Variants in CACNA2D2 observed in about 807,000 individuals in gnomAD.
CACNA2D2 encodes voltage-dependent calcium channel subunit alpha-2/delta-2.
In CACNA2D2, 48 loss-of-function variants were observed where a neutral mutation model predicts 166.4. The ratio of observed to expected loss-of-function variants is 0.29; its 90% CI spans 0.23 to 0.37. CACNA2D2 has a LOEUF of 0.37. Among genes scored for constraint, CACNA2D2 ranks in the 10% least tolerant of loss-of-function variants. The probability of loss-of-function intolerance (pLI) is 1.00; values close to 1 mark genes in which losing one functional copy is unlikely to be tolerated. For missense variants in CACNA2D2, 1,122 were observed against 1,433.0 expected, an observed-to-expected ratio of 0.78 and a Z score of 3.50; for synonymous variants, 561 against 573.7, an observed-to-expected ratio of 0.98 and a Z score of 0.32.
intron 2 of CACNA2D2, among the ~76,000 whole-genome samples, chr3:50,472,894 G>T (rs1026089131): frequency 6.6e-6 from 1 of 152,218 alleles, no homozygotes; most frequent in African/African-American, 2.4e-5. Context: ...ATATGGTGCT[G>T]AAGTGGGAGG....
intron 4 of CACNA2D2, among the ~76,000 whole-genome samples, chr3:50,393,331 G>A (rs556550856): frequency 1.4e-4 from 21 of 152,318 alleles, no homozygotes; most frequent in African/African-American, 4.8e-4. Context: ...GGAGGACACA[G>A]GAGCCCTGCC....
chr3:50,466,276 G>A (rs1346874444), intron 2 of CACNA2D2, among the ~76,000 whole-genome samples: 1 of 151,140 alleles, frequency 6.6e-6, no homozygotes, highest in Non-Finnish European at 1.5e-5. Context: ...GTGCGCATGT[G>A]TGTGTGTGTG....
At chr3:50,472,733 A>T (rs1025027396) in intron 2 of CACNA2D2, among the ~76,000 whole-genome samples, 6 of 152,076 alleles carry the variant, frequency 3.9e-5, no homozygotes, top group African/African-American at 1.4e-4. Flanking sequence ...GGCTTCAGAG[A>T]GGGGAGACCT....
intron 3 of CACNA2D2, among the ~76,000 whole-genome samples, chr3:50,397,561 G>C (rs1457093084): frequency 6.6e-6 from 1 of 152,122 alleles, no homozygotes; most frequent in Non-Finnish European, 1.5e-5. Context: ...CTTGGAGCAG[G>C]GTCTTCACCA....
Position 50,434,294 on chromosome 3 carries a change from C to T in CACNA2D2, c.405+19G>A. On this transcript the variant is annotated intron_variant, in intron 3 of 37. Coordinates refer to ENST00000424201, the MANE Select transcript of CACNA2D2 (RefSeq NM_006030.4). Reference sequence around the variant, plus strand: ...CCCTCCCTCAGTGCCGCCCCCCTGCCCCCAAAACACACACCTACCTTCAGG... The same window carrying T: ...CCCTCCCTCAGTGCCGCCCCCCTGCTCCCAAAACACACACCTACCTTCAGG... The T allele has an allele frequency of 1.3e-6, 2 of 1,576,424 alleles. No homozygotes were observed. The highest frequency in any genetic ancestry group is 1.3e-5 in the African/African-American group (1 of 74,280).
intron 1 of CACNA2D2, among the ~76,000 whole-genome samples, chr3:50,494,169 G>A (rs1698632549): frequency 6.6e-6 from 1 of 152,220 alleles, no homozygotes; most frequent in African/African-American, 2.4e-5. Context: ...CAGAGAGAAA[G>A]GAGAAATGCC....
intron 22 of CACNA2D2, among the ~76,000 whole-genome samples, chr3:50,373,620 G>C (rs111210618): frequency 6.9e-5 from 8 of 115,442 alleles, no homozygotes; most frequent in East Asian, 2.7e-4. Context: ...GGACTGAAGG[G>C]GGGGGGGTGC....
intron 2 of CACNA2D2, among the ~76,000 whole-genome samples, chr3:50,446,217 G>A (rs1324198002): frequency 1.3e-5 from 2 of 152,238 alleles, no homozygotes; most frequent in African/African-American, 4.8e-5. Flanking sequence ...TTTGGGGGCT[G>A]TGGGGTTGGG....
chr3:50,411,103 G>A (rs541349321), intron 3 of CACNA2D2, among the ~76,000 whole-genome samples: 30 of 152,244 alleles, frequency 2.0e-4, no homozygotes, highest in African/African-American at 6.5e-4. Context: ...GTGGCTCCAG[G>A]ACCTATAGGC....
chr3:50,452,856 C>T (rs144846597), intron 2 of CACNA2D2, among the ~76,000 whole-genome samples: 1 of 152,312 alleles, frequency 6.6e-6, no homozygotes, highest in Non-Finnish European at 1.5e-5. Flanking sequence ...AGAAGTGGGG[C>T]CCTGCATTGT....
intron 3 of CACNA2D2, among the ~76,000 whole-genome samples, chr3:50,396,008 A>G (rs1706129346): frequency 6.6e-6 from 1 of 151,956 alleles, no homozygotes; most frequent in African/African-American, 2.4e-5. Context: ...CCTTAACTGC[A>G]AGGCCTGCTT....
chr3:50,488,160 C>T (rs1431921435), intron 1 of CACNA2D2, among the ~76,000 whole-genome samples: 1 of 152,180 alleles, frequency 6.6e-6, no homozygotes, highest in Non-Finnish European at 1.5e-5. Context: ...CAAGGCCCAG[C>T]AGTGGGCTCC....
intron 3 of CACNA2D2, 38 bp from the exon 4 acceptor site, chr3:50,394,206 A>G (rs1706031023): frequency 5.7e-6 from 9 of 1,585,940 alleles, no homozygotes; most frequent in African/African-American, 1.3e-5. Flanking sequence ...AAGCGGAGGA[A>G]GGCAGCCTGC....
At chr3:50,444,980 A>G (rs890313810) in intron 2 of CACNA2D2, among the ~76,000 whole-genome samples, 3 of 152,172 alleles carry the variant, frequency 2.0e-5, no homozygotes, top group Non-Finnish European at 4.4e-5. Context: ...CCCCTTGCAG[A>G]TCTTGCTCAA....
chr3:50,418,897 G>C (rs1707410762), intron 3 of CACNA2D2, among the ~76,000 whole-genome samples: 1 of 152,230 alleles, frequency 6.6e-6, no homozygotes, highest in Non-Finnish European at 1.5e-5. Flanking sequence ...CTGGCCTCTG[G>C]GGGAGGGAGA....
intron 2 of CACNA2D2, among the ~76,000 whole-genome samples, chr3:50,448,620 A>C (rs1708965807): frequency 6.6e-6 from 1 of 152,058 alleles, no homozygotes; most frequent in South Asian, 2.1e-4. Context: ...CGCAATGAAC[A>C]AAGTAAGGTG....
In CACNA2D2 at chr3:50,363,469, T is replaced by TGTGTGTGCACAGAGC. The variant is rs143159818; in HGVS notation, c.*1196_*1197insGCTCTGTGCACACAC. On this transcript the variant is annotated 3_prime_UTR_variant, in exon 38 of 38. Transcript: ENST00000424201. ...AAGAGCTGTGCCCAGTCCCCACCTGTGTGTGTGTGTGTGTGTGTGTGTTCA... is the reference window on the plus strand; with the variant it reads ...AAGAGCTGTGCCCAGTCCCCACCTGTGTGTGTGCACAGAGCGTGTGTGTGTGTGTGTGTGTGTTCA... 8,969 of 256,686 alleles carry TGTGTGTGCACAGAGC rather than the reference T, an allele frequency of 0.035. 276 individuals carry two copies. Among genetic ancestry groups the TGTGTGTGCACAGAGC allele is most frequent in the African/African-American group, 0.13 (5,535 of 41,718 alleles). The allele number at this position is 256,686 out of a possible 1,614,324, so 15.9% of individuals were successfully genotyped here. A position where few individuals can be genotyped will look rare whatever the true frequency, so the allele number is the denominator to read the frequency against.
intron 2 of CACNA2D2, among the ~76,000 whole-genome samples, chr3:50,475,730 ACCGGCCATC>A (rs143473400): frequency 0.027 from 4,045 of 152,148 alleles, 179 homozygotes; most frequent in African/African-American, 0.093. Context: ...GCTGGTATGG[ACCGGCCATC>A]CCGTTGTTTC....
chr3:50,449,756 C>T (rs927456675), intron 2 of CACNA2D2, among the ~76,000 whole-genome samples: 10 of 152,160 alleles, frequency 6.6e-5, no homozygotes, highest in Non-Finnish European at 1.3e-4. Context: ...AGAGGGTGGC[C>T]TGGGGCGGGG....
Sources: gnomAD v4.1 joint callset for allele counts (sites outside exome capture counted in the v4.1 genomes callset) on GRCh38, gnomAD v4.1.1 for gene constraint, MANE v1.5 for transcripts, NCBI Gene and HGNC (gene_info 2026-07-23, HGNC 2026-07-21) for gene names.